The following REPS2 variants were observed in gnomAD, a reference collection of about 807,000 sequenced individuals.
REPS2 encodes ralBP1-associated Eps domain-containing protein 2.
REPS2 carries 23 observed loss-of-function variants against 53.6 expected under a neutral mutation model. The ratio of observed to expected loss-of-function variants is 0.43; its 90% CI spans 0.31 to 0.61. The LOEUF (loss-of-function observed/expected upper bound fraction) is 0.61, where lower values mean the gene tolerates loss of function less well. Ranked by LOEUF, REPS2 falls within the 20% of genes least tolerant of loss-of-function variation. The probability of loss-of-function intolerance (pLI) is 0.11; values close to 1 mark genes in which losing one functional copy is unlikely to be tolerated. For synonymous variants in REPS2, 238 were observed against 218.6 expected, an observed-to-expected ratio of 1.09 and a Z score of -0.78; for missense variants, 446 against 534.9, an observed-to-expected ratio of 0.83 and a Z score of 1.64.
chrX:17,066,392 C>T (rs1194949349), intron 9 of REPS2, among the ~76,000 whole-genome samples: 1 of 112,068 alleles, frequency 8.9e-6, no homozygotes, highest in Non-Finnish European at 1.9e-5. Flanking sequence ...CATGAGATGT[C>T]TTTCCATTTA....
the REPS2 span, among the ~76,000 whole-genome samples, chrX:17,160,078 G>A: frequency 8.9e-6 from 1 of 112,842 alleles, no homozygotes; most frequent in Non-Finnish European, 1.9e-5. Flanking sequence ...GTGGCAGAGA[G>A]CTTACCAGAA....
intron 5 of REPS2, among the ~76,000 whole-genome samples, chrX:17,044,676 C>T (rs774887248): frequency 1.8e-5 from 2 of 111,497 alleles, no homozygotes; most frequent in Admixed American, 9.5e-5. Context: ...TCCTTTGCTC[C>T]AGCTCTTTCT....
chrX:17,157,529 G>A (rs1365701317), downstream of REPS2, among the ~76,000 whole-genome samples: 2 of 112,024 alleles, frequency 1.8e-5, no homozygotes, highest in East Asian at 5.6e-4. Context: ...TCTGCAACTT[G>A]GCAATGCCTA....
Position 17,006,295 on chromosome X carries a change from T to C in REPS2, c.348T>C (p.Ile116=). Residue 116 remains isoleucine (I), a synonymous_variant, in exon 2 of 18, where the codon ATT becomes ATC. Transcript: ENST00000357277. ...PTQFYIALKL[I]AAAQSGLPVR... ...AGTTTTACATTGCCCTGAAATTAAT[T>C]GCTGCAGCACAATCTGGCCTCCCGG... 1 of 1,210,029 alleles carries C rather than the reference T, an allele frequency of 8.3e-7. No homozygotes were observed. The highest frequency in any genetic ancestry group is 1.1e-6 in the Non-Finnish European group (1 of 893,715).
At chrX:17,039,540 A>C (rs183450426) in intron 5 of REPS2, among the ~76,000 whole-genome samples, 42 of 112,344 alleles carry the variant, frequency 3.7e-4, no homozygotes, top group Admixed American at 9.4e-4. Flanking sequence ...AGGAAGGTGT[A>C]ATACAGCATA....
intron 3 of REPS2, among the ~76,000 whole-genome samples, chrX:17,024,363 G>GT (rs900082438): frequency 0.32 from 22,815 of 71,497 alleles, 3,748 homozygotes; most frequent in African/African-American, 0.44. Flanking sequence ...TACTAGTAAA[G>GT]TTTTTTTTTT....
At chrX:17,127,194 C>A (rs1252784771) in intron 14 of REPS2, among the ~76,000 whole-genome samples, 1 of 112,146 alleles carries the variant, frequency 8.9e-6, no homozygotes, top group African/African-American at 3.2e-5. Context: ...AGCCCGAACC[C>A]ATTCCTACCA....
chrX:16,957,720 G>A (rs749294338), intron 1 of REPS2, among the ~76,000 whole-genome samples: 5 of 111,931 alleles, frequency 4.5e-5, no homozygotes, highest in Non-Finnish European at 7.5e-5. Context: ...GTAAAATTTA[G>A]CATGCAGATG....
chrX:17,155,425 T>G (rs1344557459), downstream of REPS2, among the ~76,000 whole-genome samples: 1 of 111,475 alleles, frequency 9.0e-6, no homozygotes, highest in East Asian at 2.8e-4. Flanking sequence ...CACTGCCACT[T>G]TGGGGATTAA....
chrX:17,132,684 C>G (rs2063309723), intron 14 of REPS2, among the ~76,000 whole-genome samples: 1 of 112,066 alleles, frequency 8.9e-6, no homozygotes, highest in Admixed American at 9.4e-5. Flanking sequence ...ATTACAGGAA[C>G]CCATCATCAC....
chrX:17,112,116 C>T (rs1425457802), intron 14 of REPS2, among the ~76,000 whole-genome samples: 1 of 110,187 alleles, frequency 9.1e-6, no homozygotes, highest in East Asian at 2.8e-4. Flanking sequence ...CTTGCTGCCA[C>T]ACCGAGCTAA....
At chrX:17,032,490 G>C (rs775640832) in intron 5 of REPS2, among the ~76,000 whole-genome samples, 11 of 111,409 alleles carry the variant, frequency 9.9e-5, no homozygotes, top group African/African-American at 3.6e-4. Flanking sequence ...GCTGGACTCC[G>C]TGTTCCAGAA....
At chrX:17,037,066 C>T (rs113293689) in intron 5 of REPS2, among the ~76,000 whole-genome samples, 146 of 110,632 alleles carry the variant, frequency 1.3e-3, no homozygotes, top group African/African-American at 3.5e-3. Flanking sequence ...TATACCTGAA[C>T]GGACACTATT....
the REPS2 span, among the ~76,000 whole-genome samples, chrX:17,160,348 G>A: frequency 2.7e-5 from 3 of 112,655 alleles, no homozygotes; most frequent in African/African-American, 9.7e-5. Context: ...CTCTAAAGAG[G>A]TTAAATGTGT....
chrX:17,058,997 T>TTTTC (rs1373615942), intron 8 of REPS2, among the ~76,000 whole-genome samples: 2 of 109,824 alleles, frequency 1.8e-5, no homozygotes, highest in African/African-American at 3.3e-5. Flanking sequence ...TGTTTTTCTT[T>TTTTC]TTTCTTTCTT....
In REPS2 at chrX:16,964,608, G is replaced by A. The variant is rs757548154; in HGVS notation, c.273+17474G>A. 2.0e-4 allele frequency among the ~76,000 whole-genome samples: 22 copies of A among 109,300 alleles called. No homozygotes were observed. The South Asian group carries it at 5.5e-3, about 27-fold the overall frequency. 94.9% of individuals were successfully genotyped at this position (109,300 alleles called of 115,157 possible). A position where few individuals can be genotyped will look rare whatever the true frequency, so the allele number is the denominator to read the frequency against. ...TCCTCACTTCCCAGTAGGTGCCGCCGGGCAGAGGCGCCCCTCACCTCCCGG... is the reference window on the plus strand; with the variant it reads ...TCCTCACTTCCCAGTAGGTGCCGCCAGGCAGAGGCGCCCCTCACCTCCCGG... On this transcript the variant is annotated intron_variant, in intron 1 of 17. Coordinates refer to ENST00000357277, the MANE Select transcript of REPS2 (RefSeq NM_004726.3).
chrX:17,139,569 G>C (rs964932855), intron 17 of REPS2, among the ~76,000 whole-genome samples: 2 of 111,196 alleles, frequency 1.8e-5, no homozygotes, highest in African/African-American at 6.5e-5. Context: ...TACAAATGTG[G>C]TGGCTTAAGA....
chrX:17,057,420 A>G (rs1436663232), intron 8 of REPS2, among the ~76,000 whole-genome samples: 1 of 112,816 alleles, frequency 8.9e-6, no homozygotes, highest in African/African-American at 3.2e-5. Context: ...GTGACAGGTA[A>G]ACATGTTGGG....
chrX:16,983,044 G>A (rs2061037946), intron 1 of REPS2, among the ~76,000 whole-genome samples: 1 of 112,393 alleles, frequency 8.9e-6, no homozygotes. Context: ...TTAGTGGGCA[G>A]ATGCTGCTAA....
Sources: allele counts gnomAD v4.1 joint callset (sites outside exome capture counted in the v4.1 genomes callset), GRCh38; gene constraint gnomAD v4.1.1; transcripts MANE v1.5; gene names NCBI Gene and HGNC (gene_info 2026-07-23, HGNC 2026-07-21).